KLHL20: variants seen among roughly 807,000 people sequenced by gnomAD.
KLHL20 encodes kelch like family member 20.
KLHL20 carries 29 observed loss-of-function variants against 69.5 expected under a neutral mutation model. That is an observed-to-expected ratio of 0.42 (90% CI 0.31 to 0.57). The LOEUF (loss-of-function observed/expected upper bound fraction) is 0.57. Among genes scored for constraint, KLHL20 ranks in the 20% least tolerant of loss-of-function variants. The pLI, the probability that KLHL20 is intolerant of heterozygous loss-of-function variation, is 0.18. For synonymous variants in KLHL20, 253 were observed against 265.2 expected (o/e 0.95, Z 0.45); for missense variants, 419 against 776.0 (o/e 0.54, Z 5.47).
chr1:173,730,664 T>C (rs1412934991), intron 2 of KLHL20, among the ~76,000 whole-genome samples: 7 of 152,032 alleles, frequency 4.6e-5, no homozygotes, highest in Admixed American at 3.3e-4. Flanking sequence ...ACTGGCTAGC[T>C]GTATGTAGAA....
chr1:173,772,107 CA>C (rs1226258926), intron 8 of KLHL20, among the ~76,000 whole-genome samples: 2 of 152,146 alleles, frequency 1.3e-5, no homozygotes, highest in African/African-American at 4.8e-5. Flanking sequence ...TCTAGCTTGT[CA>C]ACTGAGAAAG....
chr1:173,746,281 A>G (rs1673055439), intron 3 of KLHL20, among the ~76,000 whole-genome samples: 1 of 152,216 alleles, frequency 6.6e-6, no homozygotes, highest in East Asian at 1.9e-4. Context: ...TATGAATATT[A>G]TACTTCATGA....
chr1:173,729,273 C>T (rs1672134293), intron 2 of KLHL20, among the ~76,000 whole-genome samples: 1 of 152,168 alleles, frequency 6.6e-6, no homozygotes, highest in Admixed American at 6.5e-5. Flanking sequence ...GATGGATTCA[C>T]AGCCGAATTC....
intron 3 of KLHL20, 74 bp downstream of exon 3, chr1:173,734,360 C>T (rs1672428739): frequency 8.2e-7 from 1 of 1,219,630 alleles, no homozygotes; most frequent in African/African-American, 1.5e-5. Context: ...CTAAATAACA[C>T]TTGCCTGGGT....
intron 2 of KLHL20, among the ~76,000 whole-genome samples, chr1:173,723,758 T>G (rs1671820259): frequency 6.6e-6 from 1 of 152,178 alleles, no homozygotes; most frequent in African/African-American, 2.4e-5. Flanking sequence ...ATGGTACTTT[T>G]GGAAGAATTT....
intron 2 of KLHL20, 143 bp downstream of exon 2, chr1:173,716,209 T>C (rs1011393364): frequency 1.4e-6 from 1 of 722,864 alleles, no homozygotes; most frequent in East Asian, 2.7e-5. Flanking sequence ...AAAAGTAATA[T>C]TAAGAATTAA....
At chr1:173,769,171 A>G (rs1471500688) in intron 8 of KLHL20, among the ~76,000 whole-genome samples, 2 of 152,204 alleles carry the variant, frequency 1.3e-5, no homozygotes, top group South Asian at 2.1e-4. Context: ...AGGATGTTTA[A>G]CAGCATCCAT....
At chr1:173,756,930 A>G (rs1439335630) in intron 6 of KLHL20, 46 bp from the exon 7 acceptor site, 2 of 1,568,778 alleles carry the variant, frequency 1.3e-6, no homozygotes, top group Non-Finnish European at 1.7e-6. Context: ...GTTACATTTT[A>G]TGCTTCAGGA....
At chr1:173,743,889 C>G (rs764232920) in intron 3 of KLHL20, among the ~76,000 whole-genome samples, 23 of 152,080 alleles carry the variant, frequency 1.5e-4, no homozygotes, top group Non-Finnish European at 2.9e-4. Flanking sequence ...GGATGTACCA[C>G]TGTTGGTTCA....
intron 5 of KLHL20, among the ~76,000 whole-genome samples, chr1:173,754,584 CA>C (rs576521460): frequency 0.059 from 3,580 of 60,612 alleles, 133 homozygotes; most frequent in African/African-American, 0.14. Flanking sequence ...AACTCAGTCT[CA>C]AAAAAAAAAA....
intron 10 of KLHL20, among the ~76,000 whole-genome samples, chr1:173,779,988 A>G (rs1648753866): frequency 6.6e-6 from 1 of 152,178 alleles, no homozygotes; most frequent in Admixed American, 6.5e-5. Context: ...GCAAAATATA[A>G]CCCATTAACC....
intron 2 of KLHL20, among the ~76,000 whole-genome samples, chr1:173,729,648 A>G (rs1225092281): frequency 6.6e-6 from 1 of 152,216 alleles, no homozygotes; most frequent in South Asian, 2.1e-4. Context: ...ATAGATGCAG[A>G]AAAGGCCTGT....
chr1:173,734,368 G>T, intron 3 of KLHL20, 82 bp downstream of exon 3: 4 of 1,120,714 alleles, frequency 3.6e-6, no homozygotes, highest in Non-Finnish European at 5.4e-6. Context: ...CACTTGCCTG[G>T]GTATTTCCTG....
chr1:173,756,248 T>TATTTTTA (rs1673541877), intron 6 of KLHL20, among the ~76,000 whole-genome samples: 1 of 132,012 alleles, frequency 7.6e-6, no homozygotes, highest in Admixed American at 7.0e-5. Flanking sequence ...CTTTAATATC[T>TATTTTTA]ATTTTTATAT....
At chr1:173,722,182 C>T (rs1026426623) in intron 2 of KLHL20, among the ~76,000 whole-genome samples, 1 of 152,120 alleles carries the variant, frequency 6.6e-6, no homozygotes, top group African/African-American at 2.4e-5. Flanking sequence ...AACTCCTGAG[C>T]TCAAACGATC....
chr1:173,726,395 A>G (rs1475348593), intron 2 of KLHL20, among the ~76,000 whole-genome samples: 1 of 151,906 alleles, frequency 6.6e-6, no homozygotes, highest in Non-Finnish European at 1.5e-5. Context: ...AGCTTTGAAG[A>G]GAGTAGTGGT....
At chr1:173,718,998 G>A (rs372395609) in intron 2 of KLHL20, among the ~76,000 whole-genome samples, 24 of 151,114 alleles carry the variant, frequency 1.6e-4, no homozygotes, top group Non-Finnish European at 2.7e-4. Flanking sequence ...CCAGCTACTC[G>A]GGAGGCTGAG....
intron 2 of KLHL20, among the ~76,000 whole-genome samples, chr1:173,723,267 C>T (rs61826813): frequency 0.22 from 33,585 of 152,046 alleles, 4,283 homozygotes; most frequent in Middle Eastern, 0.38. Flanking sequence ...GTACAAGGCA[C>T]CATTTTAGCT....
intron 5 of KLHL20, among the ~76,000 whole-genome samples, chr1:173,754,419 A>G (rs1673446052): frequency 6.6e-6 from 1 of 152,092 alleles, no homozygotes; most frequent in African/African-American, 2.4e-5. Flanking sequence ...CTGCATCTGT[A>G]CTAAAAATAC....
Sources: gnomAD v4.1 joint callset for allele counts (sites outside exome capture counted in the v4.1 genomes callset) on GRCh38, gnomAD v4.1.1 for gene constraint, MANE v1.5 for transcripts, NCBI Gene and HGNC (gene_info 2026-07-23, HGNC 2026-07-21) for gene names.